The following CATSPERT variants were observed in gnomAD, a reference collection of about 807,000 sequenced individuals.
The protein encoded by CATSPERT is catsper channel auxiliary subunit tau.
the CATSPERT span, among the ~76,000 whole-genome samples, chr2:201,544,386 G>C: frequency 3.3e-5 from 5 of 152,190 alleles, no homozygotes; most frequent in African/African-American, 4.8e-5. Context: ...TAATGGGATG[G>C]CTGGGTTTCA....
the CATSPERT span, among the ~76,000 whole-genome samples, chr2:201,552,292 G>C: frequency 1.2e-4 from 19 of 152,230 alleles, no homozygotes; most frequent in African/African-American, 4.1e-4. Flanking sequence ...ATTTTTCATT[G>C]AGCTTCGCAG....
At chr2:201,607,432 G>A in the CATSPERT span, among the ~76,000 whole-genome samples, 1 of 152,190 alleles carries the variant, frequency 6.6e-6, no homozygotes, top group Non-Finnish European at 1.5e-5. Flanking sequence ...CAGGAGGACT[G>A]CTTGAGCCTA....
the CATSPERT span, among the ~76,000 whole-genome samples, chr2:201,580,564 C>T: frequency 1.3e-5 from 2 of 152,142 alleles, no homozygotes; most frequent in Non-Finnish European, 2.9e-5. Context: ...CAAGGAGTCA[C>T]GAATTTTCCT....
At chr2:201,537,740 T>C in the CATSPERT span, among the ~76,000 whole-genome samples, 679 of 151,924 alleles carry the variant, frequency 4.5e-3, 1 homozygote, top group African/African-American at 0.015. Flanking sequence ...TTTTTAAAAG[T>C]TGGGAGGAAA....
the CATSPERT span, among the ~76,000 whole-genome samples, chr2:201,588,658 T>G: frequency 6.6e-6 from 1 of 150,746 alleles, no homozygotes; most frequent in South Asian, 2.1e-4. Flanking sequence ...AAACAATGGA[T>G]GTAAATCCAA....
the CATSPERT span, among the ~76,000 whole-genome samples, chr2:201,612,981 A>G: frequency 6.6e-6 from 1 of 152,092 alleles, no homozygotes; most frequent in South Asian, 2.1e-4. Flanking sequence ...ATCCAACTGC[A>G]AGGCAGCAGC....
the CATSPERT span, among the ~76,000 whole-genome samples, chr2:201,548,980 C>G: frequency 6.6e-6 from 1 of 151,914 alleles, no homozygotes; most frequent in Non-Finnish European, 1.5e-5. Context: ...CCCAGGAAAT[C>G]TTAAAAAGCA....
the CATSPERT span, among the ~76,000 whole-genome samples, chr2:201,539,078 T>C: frequency 3.9e-5 from 6 of 152,218 alleles, no homozygotes; most frequent in Admixed American, 3.3e-4. Context: ...GATGGGCATT[T>C]AGCTTGATTC....
At chr2:201,613,455 T>C in the CATSPERT span, among the ~76,000 whole-genome samples, 133,077 of 152,182 alleles carry the variant, frequency 0.87, 59,264 homozygotes, top group South Asian at 0.98. Flanking sequence ...AGAGTGGACC[T>C]CCAGCAAACT....
the CATSPERT span, among the ~76,000 whole-genome samples, chr2:201,576,973 C>G: frequency 2.6e-4 from 39 of 152,280 alleles, no homozygotes; most frequent in Non-Finnish European, 4.7e-4. Flanking sequence ...ATAGTCATCT[C>G]TGCTGTAATG....
At chr2:201,613,090 G>A in the CATSPERT span, among the ~76,000 whole-genome samples, 1 of 152,228 alleles carries the variant, frequency 6.6e-6, no homozygotes, top group Non-Finnish European at 1.5e-5. Context: ...AGCTCAAGGA[G>A]GCCTGCCTGC....
At chr2:201,602,085 C>G in the CATSPERT span, among the ~76,000 whole-genome samples, 2 of 152,014 alleles carry the variant, frequency 1.3e-5, no homozygotes, top group Non-Finnish European at 2.9e-5. Context: ...TTGATTCTTC[C>G]TTACATCCCT....
the CATSPERT span, among the ~76,000 whole-genome samples, chr2:201,519,996 C>G: frequency 6.6e-6 from 1 of 151,940 alleles, no homozygotes; most frequent in South Asian, 2.1e-4. Context: ...CAAACAGAAA[C>G]GAAAAGCAAG....
At chr2:201,559,931 G>A in the CATSPERT span, among the ~76,000 whole-genome samples, 3 of 152,084 alleles carry the variant, frequency 2.0e-5, no homozygotes, top group South Asian at 2.1e-4. Context: ...AACAGACCCC[G>A]ATCATAAGGA....
the CATSPERT span, among the ~76,000 whole-genome samples, chr2:201,541,688 C>T: frequency 5.9e-5 from 9 of 151,310 alleles, no homozygotes; most frequent in Admixed American, 4.0e-4. Context: ...CTCCACCTCC[C>T]GGGTTCAAGA....
the CATSPERT span, among the ~76,000 whole-genome samples, chr2:201,595,588 A>T: frequency 6.6e-6 from 1 of 152,068 alleles, no homozygotes; most frequent in African/African-American, 2.4e-5. Flanking sequence ...AGTGCCTCCC[A>T]GTTAGGCTGC....
chr2:201,599,212 T>C, the CATSPERT span, among the ~76,000 whole-genome samples: 1 of 152,208 alleles, frequency 6.6e-6, no homozygotes, highest in Non-Finnish European at 1.5e-5. Flanking sequence ...GTCATACTTC[T>C]GTAAGTTAAA....
the CATSPERT span, among the ~76,000 whole-genome samples, chr2:201,508,553 G>A: frequency 6.6e-6 from 1 of 152,132 alleles, no homozygotes; most frequent in Admixed American, 6.5e-5. Context: ...ACATTGTTGT[G>A]CAACAGATCT....
At chr2:201,495,821 C>G in the CATSPERT span, 1 of 948,368 alleles carries the variant, frequency 1.1e-6, no homozygotes, top group Admixed American at 2.7e-5. Flanking sequence ...CTTTTTAGAA[C>G]TATTGAATTA....
Sources: allele counts gnomAD v4.1 joint callset (sites outside exome capture counted in the v4.1 genomes callset), GRCh38; gene constraint gnomAD v4.1.1; transcripts MANE v1.5; gene names NCBI Gene and HGNC (gene_info 2026-07-23, HGNC 2026-07-21).